Variants in MAN1A2 observed in about 807,000 individuals in gnomAD.
The protein encoded by MAN1A2 is mannosidase alpha class 1A member 2, also known as mannosyl-oligosaccharide 1,2-alpha-mannosidase IB.
Under a neutral mutation model 75.7 loss-of-function variants are expected in MAN1A2, and 26 were observed. The ratio of observed to expected loss-of-function variants is 0.34; its 90% CI spans 0.25 to 0.48. The LOEUF is 0.48. Among genes scored for constraint, MAN1A2 ranks in the 20% least tolerant of loss-of-function variants. The pLI is 0.99. For missense variants in MAN1A2, 562 were observed against 775.5 expected (o/e 0.72, Z 3.27); for synonymous variants, 247 against 264.6 (o/e 0.93, Z 0.65).
intron 1 of MAN1A2, among the ~76,000 whole-genome samples, chr1:117,378,109 A>AAAAT (rs954825986): frequency 4.3e-4 from 66 of 152,256 alleles, no homozygotes; most frequent in African/African-American, 1.4e-3. Context: ...CTCAAATAAC[A>AAAAT]AAATAAATAA....
Position 117,403,472 on chromosome 1 carries a change from A to AT in MAN1A2, c.558+1032dup, listed in dbSNP as rs1177877881. On this transcript the variant is annotated intron_variant, in intron 2 of 12. Transcript: ENST00000356554. ...TTGCTTTTTTTCAGATGTCATTACA[A>AT]TGTACTGAAATACTTTTTTCAAATA... is the stretch of plus-strand genomic sequence containing the variant. 1.3e-5 allele frequency among the ~76,000 whole-genome samples: 2 copies of AT among 152,154 alleles called. 1 individual carries two copies. The highest frequency in any genetic ancestry group is 4.8e-5 in the African/African-American group (2 of 41,426).
At chr1:117,472,616 A>G (rs1650194584) in intron 8 of MAN1A2, among the ~76,000 whole-genome samples, 1 of 151,976 alleles carries the variant, frequency 6.6e-6, no homozygotes, top group South Asian at 2.1e-4. Context: ...TTCTAGGACA[A>G]TACATTCTTT....
At position 117,453,097 on chromosome 1, in the gene MAN1A2, C is replaced by T. The variant is rs138775915; in HGVS notation, c.951-7392C>T. On this transcript the variant is annotated intron_variant, in intron 6 of 12. Transcript: ENST00000356554. Reference sequence around the variant, plus strand: ...CAGAGTTTAAGCCCACTGTTGAAACCTACTGCTAAGCAAAAATCTCTTTCA... The same window carrying T: ...CAGAGTTTAAGCCCACTGTTGAAACTTACTGCTAAGCAAAAATCTCTTTCA... 7.2e-4 allele frequency among the ~76,000 whole-genome samples: 109 copies of T among 152,276 alleles called. 1 individual carries two copies. The highest frequency in any genetic ancestry group is 2.6e-3 in the African/African-American group (108 of 41,562).
chr1:117,389,517 C>T (rs770196435), intron 1 of MAN1A2, among the ~76,000 whole-genome samples: 3 of 152,088 alleles, frequency 2.0e-5, no homozygotes, highest in Non-Finnish European at 2.9e-5. Flanking sequence ...GCTTGCCAGC[C>T]GAGTTCCTAA....
chr1:117,438,082 T>C (rs1648903208), intron 5 of MAN1A2, among the ~76,000 whole-genome samples: 1 of 152,206 alleles, frequency 6.6e-6, no homozygotes, highest in Non-Finnish European at 1.5e-5. Flanking sequence ...TGTATACACA[T>C]ATACAGTCAT....
At chr1:117,484,521 C>T (rs116241559) in intron 8 of MAN1A2, among the ~76,000 whole-genome samples, 2 of 151,938 alleles carry the variant, frequency 1.3e-5, no homozygotes, top group Non-Finnish European at 2.9e-5. Context: ...CATGAGAAAT[C>T]GCTTTTTACT....
chr1:117,377,058 A>G (rs1461824968), intron 1 of MAN1A2, among the ~76,000 whole-genome samples: 2 of 152,200 alleles, frequency 1.3e-5, no homozygotes, highest in African/African-American at 4.8e-5. Flanking sequence ...CTGTGTTTAT[A>G]TTTAGCCATA....
intron 5 of MAN1A2, among the ~76,000 whole-genome samples, chr1:117,429,111 G>C (rs1236648250): frequency 6.8e-6 from 1 of 147,698 alleles, no homozygotes; most frequent in Non-Finnish European, 1.5e-5. Flanking sequence ...GGGAGCACAG[G>C]GTTGGGGGTA....
intron 1 of MAN1A2, among the ~76,000 whole-genome samples, chr1:117,394,194 G>A (rs942599025): frequency 3.3e-5 from 5 of 151,670 alleles, no homozygotes; most frequent in Admixed American, 2.6e-4. Flanking sequence ...CCATTCTCCT[G>A]CCTCAGCCTC....
At chr1:117,492,508 A>G (rs1025138086) in intron 8 of MAN1A2, among the ~76,000 whole-genome samples, 2 of 152,094 alleles carry the variant, frequency 1.3e-5, no homozygotes, top group Non-Finnish European at 2.9e-5. Flanking sequence ...CTTTGTTGCA[A>G]TATTTGCTAC....
intron 1 of MAN1A2, among the ~76,000 whole-genome samples, chr1:117,377,565 A>T (rs1653193215): frequency 6.6e-6 from 1 of 152,358 alleles, no homozygotes; most frequent in South Asian, 2.1e-4. Flanking sequence ...AGAAGTGTTC[A>T]AGAATGTCCC....
At chr1:117,422,542 T>C (rs1648230565) in intron 5 of MAN1A2, among the ~76,000 whole-genome samples, 1 of 152,090 alleles carries the variant, frequency 6.6e-6, no homozygotes, top group Non-Finnish European at 1.5e-5. Flanking sequence ...ACTGTCAGAT[T>C]CTTTTCCAAA....
intron 8 of MAN1A2, among the ~76,000 whole-genome samples, chr1:117,469,430 A>G (rs1435046478): frequency 6.6e-6 from 1 of 152,130 alleles, no homozygotes; most frequent in African/African-American, 2.4e-5. Flanking sequence ...CACCAAAGGC[A>G]CAGGTAACAA....
intron 5 of MAN1A2, among the ~76,000 whole-genome samples, chr1:117,425,985 CCTTT>C (rs1472544474): frequency 6.6e-6 from 1 of 152,066 alleles, no homozygotes; most frequent in Non-Finnish European, 1.5e-5. Flanking sequence ...GAAACAGCTT[CCTTT>C]AACATTTTTT....
At chr1:117,522,533 T>G (rs1651895678) in intron 12 of MAN1A2, among the ~76,000 whole-genome samples, 1 of 151,816 alleles carries the variant, frequency 6.6e-6, no homozygotes, top group Admixed American at 6.6e-5. Context: ...CTCTTAAGAT[T>G]AGGAACAAGA....
intron 12 of MAN1A2, among the ~76,000 whole-genome samples, chr1:117,517,756 A>C (rs564737243): frequency 9.2e-5 from 14 of 152,018 alleles, no homozygotes; most frequent in Non-Finnish European, 1.9e-4. Context: ...ATGGCAAAAA[A>C]CTTTCCAAAC....
chr1:117,409,582 C>T (rs1424690117), intron 3 of MAN1A2, among the ~76,000 whole-genome samples: 1 of 152,122 alleles, frequency 6.6e-6, no homozygotes, highest in African/African-American at 2.4e-5. Context: ...AGTTAGATCC[C>T]ATTGGTTAAT....
intron 10 of MAN1A2, among the ~76,000 whole-genome samples, chr1:117,497,979 T>A (rs188481139): frequency 1.2e-4 from 19 of 152,078 alleles, no homozygotes; most frequent in South Asian, 4.1e-4. Context: ...TTTATGCTAG[T>A]TCATAAATCT....
chr1:117,397,947 C>T (rs541581435), intron 1 of MAN1A2, among the ~76,000 whole-genome samples: 15 of 152,176 alleles, frequency 9.9e-5, no homozygotes, highest in Admixed American at 4.6e-4. Flanking sequence ...CCACCACACC[C>T]GGCCTTACAA....
Sources: gnomAD v4.1 joint callset for allele counts (sites outside exome capture counted in the v4.1 genomes callset) on GRCh38, gnomAD v4.1.1 for gene constraint, MANE v1.5 for transcripts, NCBI Gene and HGNC (gene_info 2026-07-23, HGNC 2026-07-21) for gene names.